PDE4D: variants seen among roughly 807,000 people sequenced by gnomAD.
The protein encoded by PDE4D is 3',5'-cyclic-AMP phosphodiesterase 4D.
Under a neutral mutation model 87.4 loss-of-function variants are expected in PDE4D, and 24 were observed. The ratio of observed to expected loss-of-function variants is 0.27; its 90% CI spans 0.20 to 0.39. The LOEUF is 0.39. Ranked by LOEUF, PDE4D falls within the 10% of genes least tolerant of loss-of-function variation. PDE4D has a pLI of 1.00. For synonymous variants in PDE4D, 384 were observed against 383.2 expected (o/e 1.00, Z -0.02); for missense variants, 714 against 1,041.0 (o/e 0.69, Z 4.32).
At chr5:60,462,309 G>A (rs894475727) in intron 1 of PDE4D, among the ~76,000 whole-genome samples, 1 of 152,096 alleles carries the variant, frequency 6.6e-6, no homozygotes, top group African/African-American at 2.4e-5. Context: ...CCTGAGGGGT[G>A]TTCATGGGCA....
At chr5:59,425,639 T>C (rs1288681629) in intron 1 of PDE4D, among the ~76,000 whole-genome samples, 4 of 152,192 alleles carry the variant, frequency 2.6e-5, no homozygotes, top group African/African-American at 9.7e-5. Context: ...TGAATGATTA[T>C]AGAGTTCAAA....
intron 1 of PDE4D, among the ~76,000 whole-genome samples, chr5:60,477,092 G>T (rs1158756766): frequency 1.3e-5 from 2 of 152,138 alleles, no homozygotes; most frequent in Non-Finnish European, 2.9e-5. Context: ...TCTATGACAT[G>T]TAGAATAGGC....
rs543493208 is a variant in PDE4D at position 59,876,925 on chromosome 5, T to C, written c.455+16243A>G. Among the ~76,000 whole-genome samples the C allele has an allele frequency of 4.9e-4, 75 of 152,200 alleles. 1 individual carries two copies. The South Asian group carries it at 0.014, about 28-fold the overall frequency. Reference sequence around the variant, plus strand: ...ATAGGACAACAACAACAAAAATACATAGTAATTGTCCTACACATTAATGGT... The same window carrying C: ...ATAGGACAACAACAACAAAAATACACAGTAATTGTCCTACACATTAATGGT... On this transcript the variant is annotated intron_variant, in intron 1 of 14. Coordinates refer to ENST00000340635, the MANE Select transcript of PDE4D (RefSeq NM_001104631.2).
intron 1 of PDE4D, among the ~76,000 whole-genome samples, chr5:59,352,131 G>GTA (rs1300831191): frequency 2.6e-5 from 4 of 152,156 alleles, no homozygotes; most frequent in African/African-American, 9.7e-5. Context: ...GCTAATGCAT[G>GTA]TATGGGATTG....
At chr5:60,267,773 TCAGA>T (rs1750369412) in intron 1 of PDE4D, among the ~76,000 whole-genome samples, 1 of 152,196 alleles carries the variant, frequency 6.6e-6, no homozygotes, top group South Asian at 2.1e-4. Flanking sequence ...AAAAAAAGTA[TCAGA>T]CAGCTGTTTC....
At chr5:59,526,165 G>A (rs1002136561) in intron 1 of PDE4D, among the ~76,000 whole-genome samples, 1 of 152,126 alleles carries the variant, frequency 6.6e-6, no homozygotes, top group Non-Finnish European at 1.5e-5. Flanking sequence ...TACAGGGCAA[G>A]CAGTCCTAGG....
At chr5:59,702,877 A>T (rs1752802118) in intron 1 of PDE4D, among the ~76,000 whole-genome samples, 1 of 151,342 alleles carries the variant, frequency 6.6e-6, no homozygotes. Flanking sequence ...CTCAAAAAAA[A>T]AAAAAAAAAA....
chr5:60,502,166 A>C (rs1561319199), intron 1 of PDE4D, among the ~76,000 whole-genome samples: 2 of 151,962 alleles, frequency 1.3e-5, no homozygotes, highest in African/African-American at 4.8e-5. Flanking sequence ...ATCCATCTTG[A>C]ATTAATTTTT....
chr5:59,893,229 G>A lies in PDE4D; in HGVS notation c.394C>T (p.His132Tyr). Residue 132 changes from histidine to tyrosine, a missense_variant, in exon 1 of 15, where the codon CAC becomes TAC. Around this residue, in one of 7 missense-constraint regions of PDE4D, gnomAD observed 268 missense variants for 272.9 expected, o/e 0.98. Transcript: ENST00000340635. ...CTGGATTTCTTCAGGCCGGGCCGGT[G>A]GCCGGTCTCCACCGCGTAGGAGGTG... ...DRTSYAVETG[H>Y]RPGLKKSRMS... 6.4e-7 allele frequency: 1 copy of A among 1,560,156 alleles called. No homozygotes were observed. The highest frequency in any genetic ancestry group is 8.7e-7 in the Non-Finnish European group (1 of 1,151,746).
In PDE4D at chr5:60,453,157, A is replaced by G. The variant is rs190653498; in HGVS notation, c.-90+34785T>C. 2.5e-3 allele frequency among the ~76,000 whole-genome samples: 380 copies of G among 152,262 alleles called. 1 individual carries two copies. Among genetic ancestry groups the G allele is most frequent in the Non-Finnish European group, 4.4e-3 (302 of 67,990 alleles). On this transcript the variant is annotated intron_variant, in intron 1 of 16. Coordinates refer to the PDE4D transcript ENST00000502484. ...TATAATCCAATTTTGAGAAAATGAT[A>G]CATCTATTTAAAAGCACATATAGCT...
At chr5:59,171,966 T>C (rs1425667563) in intron 5 of PDE4D, among the ~76,000 whole-genome samples, 1 of 101,558 alleles carries the variant, frequency 9.8e-6, no homozygotes, top group Non-Finnish European at 1.7e-5. Context: ...TATTTATATA[T>C]TATATATTTA....
intron 3 of PDE4D, among the ~76,000 whole-genome samples, chr5:59,937,811 A>G (rs571328619): frequency 6.6e-6 from 1 of 152,346 alleles, no homozygotes; most frequent in Admixed American, 6.5e-5. Flanking sequence ...AAGGTCACAC[A>G]GTGGTGAATG....
At chr5:60,362,490 G>A (rs1182922984) in intron 1 of PDE4D, among the ~76,000 whole-genome samples, 1 of 152,160 alleles carries the variant, frequency 6.6e-6, no homozygotes, top group African/African-American at 2.4e-5. Context: ...ATTATTTACT[G>A]CATTAGTTAA....
chr5:59,973,478 C>T (rs1017789416), intron 3 of PDE4D, among the ~76,000 whole-genome samples: 2 of 138,924 alleles, frequency 1.4e-5, no homozygotes, highest in Admixed American at 1.5e-4. Flanking sequence ...ATATCATAAT[C>T]CATAAGTATA....
chr5:59,893,600 G>A lies in PDE4D; in HGVS notation c.23C>T (p.Ala8Val). ...CTCTCCGCTGCCCGCCCGGGCCGGC[G>A]CGCTGCTGCCCTCTGCCTCCATCCT... MEAEGSSAPARAGSGEGS... is the reference protein window; with the variant it reads MEAEGSSVPARAGSGEGS... The change falls in exon 1 of 15, where the codon GCG becomes GTG. Residue 8 changes from alanine to valine, a missense_variant. This residue lies in a region of PDE4D where 268 missense variants were observed against 272.9 expected (regional missense o/e 0.98). Transcript: ENST00000340635. The A allele has an allele frequency of 1.3e-6, 2 of 1,518,906 alleles. No individual in the cohort carries two copies. Among genetic ancestry groups the A allele is most frequent in the Non-Finnish European group, 1.8e-6 (2 of 1,134,824 alleles). 94.1% of individuals were successfully genotyped at this position (1,518,906 alleles called of 1,614,324 possible). A position where few individuals can be genotyped will look rare whatever the true frequency, so the allele number is the denominator to read the frequency against.
intron 3 of PDE4D, among the ~76,000 whole-genome samples, chr5:59,950,220 C>A (rs2152803978): frequency 6.6e-6 from 1 of 152,290 alleles, no homozygotes; most frequent in Non-Finnish European, 1.5e-5. Flanking sequence ...TACCTCTGAT[C>A]TAAGACCACC....
chr5:60,042,944 A>C (rs1391576110), intron 2 of PDE4D, among the ~76,000 whole-genome samples: 1 of 152,136 alleles, frequency 6.6e-6, no homozygotes, highest in African/African-American at 2.4e-5. Flanking sequence ...TGGAGAATGA[A>C]TTTGACAAAT....
chr5:59,490,846 T>C (rs992493944), intron 1 of PDE4D, among the ~76,000 whole-genome samples: 1 of 152,210 alleles, frequency 6.6e-6, no homozygotes, highest in African/African-American at 2.4e-5. Flanking sequence ...TCTCCCACTA[T>C]AGAGAAACTC....
At chr5:59,318,675 T>A (rs1208126880) in intron 1 of PDE4D, among the ~76,000 whole-genome samples, 1 of 152,140 alleles carries the variant, frequency 6.6e-6, no homozygotes, top group East Asian at 1.9e-4. Context: ...ATTAAAAATA[T>A]GAAAAATGTT....
Sources: allele counts gnomAD v4.1 joint callset (sites outside exome capture counted in the v4.1 genomes callset), GRCh38; gene constraint gnomAD v4.1.1; regional missense constraint gnomAD v4.1.1; transcripts MANE v1.5; gene names NCBI Gene and HGNC (gene_info 2026-07-23, HGNC 2026-07-21).